OSBPL9: variants seen among roughly 807,000 people sequenced by gnomAD.
OSBPL9 encodes the protein oxysterol-binding protein-related protein 9.
Under a neutral mutation model 106.6 loss-of-function variants are expected in OSBPL9, and 40 were observed. The observed-to-expected ratio is 0.38, with a 90% confidence interval of 0.29 to 0.49. The LOEUF (loss-of-function observed/expected upper bound fraction) is 0.49. OSBPL9 is among the 20% of genes least tolerant of loss of function. The pLI is 0.97. For missense variants in OSBPL9, 609 were observed against 887.2 expected (o/e 0.69, Z 3.98); for synonymous variants, 269 against 295.4 (o/e 0.91, Z 0.92).
At chr1:51,770,330 A>T (rs893408947) in intron 12 of OSBPL9, among the ~76,000 whole-genome samples, 16 of 152,004 alleles carry the variant, frequency 1.1e-4, no homozygotes, top group Non-Finnish European at 2.1e-4. Context: ...TTTAGTAGAG[A>T]TGGGGCTTCA....
the OSBPL9 span, among the ~76,000 whole-genome samples, chr1:51,542,863 C>G: frequency 6.6e-6 from 1 of 152,164 alleles, no homozygotes; most frequent in Non-Finnish European, 1.5e-5. Context: ...TGTGAACTTC[C>G]ACTTCCTTAT....
At chr1:51,550,807 C>T in the OSBPL9 span, among the ~76,000 whole-genome samples, 1 of 152,174 alleles carries the variant, frequency 6.6e-6, no homozygotes, top group Admixed American at 6.5e-5. Context: ...AGCCACTGTG[C>T]CTGGCCCCAT....
At position 51,647,381 on chromosome 1, in the gene OSBPL9, G is replaced by T. The variant is rs145097563; in HGVS notation, c.112-4610G>T. Among the ~76,000 whole-genome samples the T allele has an allele frequency of 2.4e-3, 359 of 152,030 alleles. 1 individual carries two copies. The highest frequency in any genetic ancestry group is 8.3e-3 in the African/African-American group (344 of 41,482). ...ATTAGAAACAGATACTGTTTTTTACGTACGATTTTTTTTCTGGTTTTGGTA... is the reference window on the plus strand; with the variant it reads ...ATTAGAAACAGATACTGTTTTTTACTTACGATTTTTTTTCTGGTTTTGGTA... On this transcript the variant is annotated intron_variant, in intron 1 of 23. Transcript: ENST00000428468.
chr1:51,627,791 C>G (rs1644857530), intron 1 of OSBPL9, among the ~76,000 whole-genome samples: 1 of 151,900 alleles, frequency 6.6e-6, no homozygotes, highest in African/African-American at 2.4e-5. Context: ...AAATGCCTGT[C>G]TCTGTTAGTC....
the OSBPL9 span, among the ~76,000 whole-genome samples, chr1:51,558,196 T>C: frequency 2.4e-4 from 36 of 151,454 alleles, no homozygotes; most frequent in Non-Finnish European, 3.5e-4. Flanking sequence ...AGGAGAATGG[T>C]GTGAACCCGG....
chr1:51,633,696 A>G (rs1645251011), intron 1 of OSBPL9, among the ~76,000 whole-genome samples: 1 of 152,198 alleles, frequency 6.6e-6, no homozygotes, highest in South Asian at 2.1e-4. Context: ...ATCATGGTTC[A>G]CTGCAGCCAC....
chr1:51,520,707 C>A, the OSBPL9 span, among the ~76,000 whole-genome samples: 2 of 152,232 alleles, frequency 1.3e-5, no homozygotes, highest in Non-Finnish European at 2.9e-5. Flanking sequence ...GAACAAGACC[C>A]AGGATGGAGT....
intron 2 of OSBPL9, among the ~76,000 whole-genome samples, chr1:51,652,243 C>A (rs192274759): frequency 2.1e-4 from 32 of 152,264 alleles, no homozygotes; most frequent in Admixed American, 1.8e-3. Flanking sequence ...TATTTTGGCC[C>A]ATGATTCAAT....
chr1:51,720,214 C>T (rs966269540), intron 4 of OSBPL9, among the ~76,000 whole-genome samples: 1 of 152,102 alleles, frequency 6.6e-6, no homozygotes, highest in Non-Finnish European at 1.5e-5. Flanking sequence ...TATAGGCTAT[C>T]AGGAATGAAA....
At chr1:51,630,833 A>G (rs1014704668) in intron 1 of OSBPL9, among the ~76,000 whole-genome samples, 4 of 152,236 alleles carry the variant, frequency 2.6e-5, no homozygotes, top group Non-Finnish European at 5.9e-5. Context: ...TTTAAAACAC[A>G]AGCACATTGT....
At chr1:51,777,709 GT>G (rs1218911381) in intron 15 of OSBPL9, among the ~76,000 whole-genome samples, 2 of 152,008 alleles carry the variant, frequency 1.3e-5, no homozygotes, top group Non-Finnish European at 2.9e-5. Flanking sequence ...ATATGGCAGT[GT>G]TTAAATTAAC....
At chr1:51,716,990 T>G (rs1661183679) in intron 4 of OSBPL9, among the ~76,000 whole-genome samples, 1 of 144,356 alleles carries the variant, frequency 6.9e-6, no homozygotes, top group Non-Finnish European at 1.5e-5. Flanking sequence ...TTATATGTCC[T>G]TTTTTTTTTT....
intron 1 of OSBPL9, among the ~76,000 whole-genome samples, chr1:51,597,500 T>A (rs938804509): frequency 2.6e-5 from 4 of 151,236 alleles, no homozygotes; most frequent in African/African-American, 9.7e-5. Context: ...TATATATATA[T>A]ATACACACAC....
chr1:51,785,142 G>A (rs1571793181), intron 20 of OSBPL9: 1 of 157,344 alleles, frequency 6.4e-6, no homozygotes, highest in Non-Finnish European at 1.4e-5. Context: ...GGGGGGGAAG[G>A]GGACAGTGGG....
Position 51,787,862 on chromosome 1 carries a change from G to A in OSBPL9, c.*73G>A, listed in dbSNP as rs549389861. On this transcript the variant is annotated 3_prime_UTR_variant, in exon 24 of 24. Coordinates refer to ENST00000428468, the MANE Select transcript of OSBPL9 (RefSeq NM_024586.6). ...ATTCAGCAACAAACAATCTTCCTTTGGGAGAAACCTGTTCATTCCAATCTT... is the reference window on the plus strand; with the variant it reads ...ATTCAGCAACAAACAATCTTCCTTTAGGAGAAACCTGTTCATTCCAATCTT... 1.5e-6 allele frequency: 2 copies of A among 1,334,592 alleles called. No individual in the cohort carries two copies. Among genetic ancestry groups the A allele is most frequent in the African/African-American group, 1.4e-5 (1 of 69,214 alleles). The allele number at this position is 1,334,592 out of a possible 1,614,324, so 82.7% of individuals were successfully genotyped here. A position where few individuals can be genotyped will look rare whatever the true frequency, so the allele number is the denominator to read the frequency against.
intron 5 of OSBPL9, 21 bp from the exon 6 acceptor site, chr1:51,746,689 C>CAA (rs779229424): frequency 6.3e-7 from 1 of 1,582,768 alleles, no homozygotes. Context: ...GATACTATAA[C>CAA]CATTTTTTAA....
chr1:51,771,045 G>A (rs934265713), intron 12 of OSBPL9, among the ~76,000 whole-genome samples: 3 of 152,098 alleles, frequency 2.0e-5, no homozygotes, highest in East Asian at 1.9e-4. Context: ...CATGAGGGAG[G>A]TTTGCAGGTG....
At chr1:51,696,446 A>C (rs1656029597) in intron 3 of OSBPL9, among the ~76,000 whole-genome samples, 1 of 152,166 alleles carries the variant, frequency 6.6e-6, no homozygotes, top group Admixed American at 6.5e-5. Context: ...ACAATAAATA[A>C]GATAGAACAC....
At chr1:51,674,742 T>C (rs1283908059) in intron 3 of OSBPL9, among the ~76,000 whole-genome samples, 1 of 152,232 alleles carries the variant, frequency 6.6e-6, no homozygotes, top group Non-Finnish European at 1.5e-5. Flanking sequence ...TTTCTATGTT[T>C]AGATACACAA....
Sources: gnomAD v4.1 joint callset for allele counts (sites outside exome capture counted in the v4.1 genomes callset) on GRCh38, gnomAD v4.1.1 for gene constraint, MANE v1.5 for transcripts, NCBI Gene and HGNC (gene_info 2026-07-23, HGNC 2026-07-21) for gene names.